The following MYOM2 variants were observed in gnomAD, a reference collection of about 807,000 sequenced individuals.
The protein encoded by MYOM2 is myomesin-2.
MYOM2 carries 254 observed loss-of-function variants against 187.6 expected under a neutral mutation model. That is an observed-to-expected ratio of 1.35 (90% CI 1.22 to 1.50). The LOEUF (loss-of-function observed/expected upper bound fraction) is 1.50, where lower values mean the gene tolerates loss of function less well. Among genes scored for constraint, MYOM2 ranks in the 40% most tolerant of loss-of-function variants. MYOM2 has a pLI of 0.00. For missense variants in MYOM2, 2,796 were observed against 1,924.0 expected, an observed-to-expected ratio of 1.45 and a Z score of -8.48; for synonymous variants, 981 against 753.8, an observed-to-expected ratio of 1.30 and a Z score of -4.94.
Position 2,101,068 on chromosome 8 carries a change from G to T in MYOM2, c.2619+14G>T, listed in dbSNP as rs750536531. 1 of 1,612,508 alleles carries T rather than the reference G, an allele frequency of 6.2e-7. No homozygotes were observed. The highest frequency in any genetic ancestry group is 8.5e-7 in the Non-Finnish European group (1 of 1,179,176). ...CGTTATTTAAAGGTAAGTCTTGGCC[G>T]GCTGTGGTGGCTCATGCCTGTAATC... is the stretch of plus-strand genomic sequence containing the variant. On this transcript the variant is annotated intron_variant, in intron 20 of 36. Transcript: ENST00000262113.
chr8:2,098,735 T>A (rs1796580251), intron 18 of MYOM2, 122 bp from the exon 19 acceptor site: 4 of 1,139,830 alleles, frequency 3.5e-6, no homozygotes, highest in Non-Finnish European at 4.8e-6. Context: ...TTGGTCCAAT[T>A]TCCCGACAAG....
At position 2,117,957 on chromosome 8, in the gene MYOM2, G is replaced by T. The variant is rs1797303422; in HGVS notation, c.3453+5G>T. 1 of 1,611,552 alleles carries T rather than the reference G, an allele frequency of 6.2e-7. No homozygotes were observed. Among genetic ancestry groups the T allele is most frequent in the African/African-American group, 1.3e-5 (1 of 74,806 alleles). ...GAAGTTCGACTTGTTTGCAAGGTGA[G>T]AAACCCGGTTCTAACAGGAAAACAA... On this transcript the variant is annotated splice_donor_5th_base_variant and intron_variant, in intron 28 of 36. Coordinates refer to ENST00000262113, the MANE Select transcript of MYOM2 (RefSeq NM_003970.4).
chr8:2,092,348 G>A lies in MYOM2; in HGVS notation c.1831G>A (p.Val611Ile), dbSNP rs763933084. The A allele has an allele frequency of 6.2e-7, 1 of 1,613,642 alleles. No individual in the cohort carries two copies. The highest frequency in any genetic ancestry group is 8.5e-7 in the Non-Finnish European group (1 of 1,179,866). ...CTCCTTTTGTCTCCTACGAAAAGTTGTCCCTTCTGCTCCGGGTCGGGTTCT... is the reference window on the plus strand; with the variant it reads ...CTCCTTTTGTCTCCTACGAAAAGTTATCCCTTCTGCTCCGGGTCGGGTTCT... ...SPIQAQDVTV[V>I]PSAPGRVLAS... is the part of the protein sequence containing the mutation. The change falls in exon 16 of 37, where the codon GTC becomes ATC. Residue 611 changes from valine to isoleucine, a missense_variant and splice_region_variant. Transcript: ENST00000262113.
Position 2,145,045 on chromosome 8 carries a change from G to A in MYOM2, c.*64G>A. The A allele has an allele frequency of 6.4e-7, 1 of 1,554,860 alleles. No individual in the cohort carries two copies. Among genetic ancestry groups the A allele is most frequent in the Non-Finnish European group, 8.8e-7 (1 of 1,142,380 alleles). On this transcript the variant is annotated 3_prime_UTR_variant, in exon 37 of 37. Coordinates refer to ENST00000262113, the MANE Select transcript of MYOM2 (RefSeq NM_003970.4). ...GCAGAGACAGGAATGCTGTGTGCTTGTTCCAAATGAGCAGCTGGCATCCGA... is the reference window on the plus strand; with the variant it reads ...GCAGAGACAGGAATGCTGTGTGCTTATTCCAAATGAGCAGCTGGCATCCGA...
At chr8:2,087,706 G>T (rs1796142836) in intron 14 of MYOM2, among the ~76,000 whole-genome samples, 1 of 152,192 alleles carries the variant, frequency 6.6e-6, no homozygotes, top group South Asian at 2.1e-4. Flanking sequence ...CACCTCCTGG[G>T]CTCCAGCAGT....
At position 2,144,661 on chromosome 8, in the gene MYOM2, A is replaced by C; in HGVS notation, c.4081-3A>C. The C allele has an allele frequency of 1.2e-6, 2 of 1,612,942 alleles. No individual in the cohort carries two copies. The highest frequency in any genetic ancestry group is 1.1e-5 in the South Asian group (1 of 91,024). On this transcript the variant is annotated splice_polypyrimidine_tract_variant and splice_region_variant and intron_variant, in intron 36 of 36. Transcript: ENST00000262113. ...CTTCTCCACCAACCTCTTCCGTCCA[A>C]AGACCTTGAATCTGACCTGCACGGT...
chr8:2,120,175 T>G (rs1797377691), intron 28 of MYOM2, among the ~76,000 whole-genome samples: 1 of 151,998 alleles, frequency 6.6e-6, no homozygotes, highest in Non-Finnish European at 1.5e-5. Flanking sequence ...CTAGTGTGAG[T>G]CAGGGGACAG....
chr8:2,088,028 G>A (rs1337438349), intron 14 of MYOM2, among the ~76,000 whole-genome samples: 1 of 152,106 alleles, frequency 6.6e-6, no homozygotes, highest in Non-Finnish European at 1.5e-5. Context: ...TGACATGGCA[G>A]GCACACTTTT....
At chr8:2,088,986 A>T (rs1383484956) in intron 14 of MYOM2, among the ~76,000 whole-genome samples, 1 of 151,968 alleles carries the variant, frequency 6.6e-6, no homozygotes, top group Non-Finnish European at 1.5e-5. Flanking sequence ...CCTGAGGCCC[A>T]TGACGCCCTG....
chr8:2,071,635 C>T (rs371890297), intron 8 of MYOM2, among the ~76,000 whole-genome samples: 12 of 152,312 alleles, frequency 7.9e-5, no homozygotes, highest in East Asian at 1.9e-4. Flanking sequence ...CTGCCTCTGA[C>T]GACACCGCAA....
chr8:2,046,091 C>A (rs1053105595), intron 1 of MYOM2, among the ~76,000 whole-genome samples: 2 of 152,230 alleles, frequency 1.3e-5, no homozygotes, highest in Non-Finnish European at 2.9e-5. Context: ...GCCAACGCTG[C>A]GTGTCTGGGA....
rs1818706808 is a variant in MYOM2 at position 2,057,490 on chromosome 8, G to A, written c.402+4G>A. 6.2e-7 allele frequency: 1 copy of A among 1,614,030 alleles called. No homozygotes were observed. The highest frequency in any genetic ancestry group is 1.3e-5 in the African/African-American group (1 of 75,048). On this transcript the variant is annotated splice_donor_region_variant and intron_variant, in intron 4 of 36. Transcript: ENST00000262113. Reference sequence around the variant, plus strand: ...CAAATACGCCATTCAGCAGATGGTAGGAGGGTCTCAGGGTGGCTGGGTGTC... The same window carrying A: ...CAAATACGCCATTCAGCAGATGGTAAGAGGGTCTCAGGGTGGCTGGGTGTC...
At chr8:2,083,419 G>A (rs1026505167) in intron 13 of MYOM2, among the ~76,000 whole-genome samples, 2 of 151,664 alleles carry the variant, frequency 1.3e-5, no homozygotes, top group African/African-American at 4.8e-5. Flanking sequence ...TCTCACGTGT[G>A]CTTAGCAGTA....
At chr8:2,084,273 A>T (rs1321087363) in intron 13 of MYOM2, among the ~76,000 whole-genome samples, 1 of 152,186 alleles carries the variant, frequency 6.6e-6, no homozygotes, top group East Asian at 1.9e-4. Flanking sequence ...CCTTACCAGA[A>T]TGAGCCCAGC....
chr8:2,116,060 A>G lies in MYOM2; in HGVS notation c.3281A>G (p.Asp1094Gly). Residue 1094 changes from aspartate to glycine, a missense_variant, in exon 26 of 37, where the codon GAT becomes GGT. Asp to Gly is a moderately conservative substitution (Grantham distance 94). Coordinates refer to ENST00000262113, the MANE Select transcript of MYOM2 (RefSeq NM_003970.4). ...NEGTYTVQIHDGKAKSQSSLV... is the reference protein window; with the variant it reads ...NEGTYTVQIHGGKAKSQSSLV... ...GGGACCTACACTGTGCAGATTCATG[A>G]TGGGAAAGCCAAAAGTCAGTCTTCT... 1.2e-6 allele frequency: 2 copies of G among 1,613,922 alleles called. No homozygotes were observed. Among genetic ancestry groups the G allele is most frequent in the South Asian group, 1.1e-5 (1 of 90,954 alleles).
At position 2,085,492 on chromosome 8, in the gene MYOM2, C is replaced by A. The variant is rs1327901364; in HGVS notation, c.1644+102C>A. On this transcript the variant is annotated intron_variant, in intron 14 of 36. Transcript: ENST00000262113. ...CGCTGTCGTGATCTCCGCGTGGCCC[C>A]TCACTGTTGTGATCTCCGCGTGGCC... The A allele has an allele frequency of 6.7e-5, 90 of 1,349,478 alleles. 3 individuals carry two copies. Among genetic ancestry groups the A allele is most frequent in the African/African-American group, 4.6e-4 (29 of 63,272 alleles). 83.6% of individuals were successfully genotyped at this position (1,349,478 alleles called of 1,614,324 possible). A position where few individuals can be genotyped will look rare whatever the true frequency, so the allele number is the denominator to read the frequency against.
chr8:2,142,382 G>A lies in MYOM2; in HGVS notation c.4009G>A (p.Ala1337Thr), dbSNP rs368852120. Residue 1337 changes from alanine to threonine, a missense_variant, in exon 35 of 37, where the codon GCT (alanine) becomes ACT (threonine). Physicochemically the swap from Ala to Thr is moderately conservative, Grantham distance 58. Transcript: ENST00000262113. ...GTCCCCTTTAACTTTTAGAGCTGCT[G>A]CTTTTGCAGAGAAGAGTAAGTACCT... is the stretch of plus-strand genomic sequence containing the variant. ...FAEFQQFKAA[A>T]FAEKNRGRLI... The A allele has an allele frequency of 6.8e-6, 11 of 1,613,800 alleles. No homozygotes were observed. The highest frequency in any genetic ancestry group is 7.6e-6 in the Non-Finnish European group (9 of 1,179,772).
chr8:2,061,323 C>G (rs1350903313), intron 6 of MYOM2, among the ~76,000 whole-genome samples: 1 of 152,096 alleles, frequency 6.6e-6, no homozygotes, highest in Non-Finnish European at 1.5e-5. Flanking sequence ...GCGTCTTTGT[C>G]CCCTCCAGCC....
chr8:2,092,276 C>T (rs2235121), intron 15 of MYOM2, 70 bp from the exon 16 acceptor site: 809,520 of 1,535,800 alleles, frequency 0.53, 222,808 homozygotes, highest in Non-Finnish European at 0.57. Flanking sequence ...TGAAAAGGGC[C>T]GGAAGATCTC....
Sources: allele counts gnomAD v4.1 joint callset (sites outside exome capture counted in the v4.1 genomes callset), GRCh38; gene constraint gnomAD v4.1.1; transcripts MANE v1.5; gene names NCBI Gene and HGNC (gene_info 2026-07-23, HGNC 2026-07-21).